The following DMRT1 variants were observed in gnomAD, a reference collection of about 807,000 sequenced individuals.
The protein encoded by DMRT1 is doublesex- and mab-3-related transcription factor 1.
In DMRT1, 7 loss-of-function variants were observed where a neutral mutation model predicts 32.3. That is an observed-to-expected ratio of 0.22 (90% CI 0.12 to 0.41). The LOEUF (loss-of-function observed/expected upper bound fraction) is 0.41, where lower values mean the gene tolerates loss of function less well. DMRT1 is among the 10% of genes least tolerant of loss of function. The pLI, the probability that DMRT1 is intolerant of heterozygous loss-of-function variation, is 1.00. For synonymous variants in DMRT1, 278 were observed against 206.1 expected (o/e 1.35, Z -2.99); for missense variants, 625 against 500.5 (o/e 1.25, Z -2.37).
At chr9:890,899 A>AT (rs374362586) in intron 2 of DMRT1, among the ~76,000 whole-genome samples, 5,715 of 146,086 alleles carry the variant, frequency 0.039, 151 homozygotes, top group African/African-American at 0.079. Context: ...TTTTTTTTGT[A>AT]TTTTTTTTTT....
chr9:873,611 G>GC (rs1816370603), intron 2 of DMRT1, among the ~76,000 whole-genome samples: 1 of 152,056 alleles, frequency 6.6e-6, no homozygotes. Flanking sequence ...GATCCACCGC[G>GC]CCCAGCCTCT....
At chr9:962,779 T>A (rs1819817023) in intron 4 of DMRT1, among the ~76,000 whole-genome samples, 1 of 152,174 alleles carries the variant, frequency 6.6e-6, no homozygotes, top group African/African-American at 2.4e-5. Flanking sequence ...TGCTTCTCGG[T>A]TGAACTCTGT....
At chr9:874,678 G>T (rs904435869) in intron 2 of DMRT1, among the ~76,000 whole-genome samples, 2 of 151,908 alleles carry the variant, frequency 1.3e-5, no homozygotes, top group Non-Finnish European at 2.9e-5. Flanking sequence ...TGAAATTTAG[G>T]TATGCATCCT....
At chr9:924,331 C>T (rs1214555943) in intron 4 of DMRT1, among the ~76,000 whole-genome samples, 4 of 152,314 alleles carry the variant, frequency 2.6e-5, no homozygotes, top group South Asian at 4.1e-4. Context: ...CTTGGCCTCC[C>T]ACAGTGCTGG....
In DMRT1 at chr9:917,014, A is replaced by G. The variant is rs1586614609; in HGVS notation, c.967+107A>G. On this transcript the variant is annotated intron_variant, in intron 4 of 4. Transcript: ENST00000382276. ...GCTTAGCTGTTAGTAATTGTTGGAA[A>G]TTTTATTGCTGTGTGAAGCTTGGAT... 7.1e-6 allele frequency: 9 copies of G among 1,266,124 alleles called. No homozygotes were observed. The East Asian group carries it at 1.4e-4, about 20-fold the overall frequency. The allele number at this position is 1,266,124 out of a possible 1,614,324, so 78.4% of individuals were successfully genotyped here. A position where few individuals can be genotyped will look rare whatever the true frequency, so the allele number is the denominator to read the frequency against.
At chr9:899,958 G>A (rs1277709165) in intron 3 of DMRT1, among the ~76,000 whole-genome samples, 1 of 152,216 alleles carries the variant, frequency 6.6e-6, no homozygotes. Context: ...CTTTCTGGTG[G>A]TTATGTGGTC....
At chr9:911,276 C>G (rs193097008) in intron 3 of DMRT1, among the ~76,000 whole-genome samples, 1 of 152,170 alleles carries the variant, frequency 6.6e-6, no homozygotes, top group African/African-American at 2.4e-5. Flanking sequence ...GCCAGATGCC[C>G]TGTGGAGGAT....
In DMRT1 at chr9:904,073, T is replaced by C. The variant is rs774970990; in HGVS notation, c.822+9878T>C. On this transcript the variant is annotated intron_variant, in intron 3 of 4. Transcript: ENST00000382276. ...TTGAATCGGAGGCAGAAGCATATTA[T>C]TAGTCTTGCGAGGTTGTTACATTAC... Among the ~76,000 whole-genome samples, 27 of 152,226 alleles carry C rather than the reference T, an allele frequency of 1.8e-4. 1 individual carries two copies. Among genetic ancestry groups the C allele is most frequent in the Non-Finnish European group, 3.5e-4 (24 of 68,028 alleles).
chr9:960,752 C>G (rs1463074187), intron 4 of DMRT1, among the ~76,000 whole-genome samples: 1 of 152,188 alleles, frequency 6.6e-6, no homozygotes, highest in Non-Finnish European at 1.5e-5. Context: ...CCTCAGCCCT[C>G]CTGCCTAGCG....
intron 4 of DMRT1, among the ~76,000 whole-genome samples, chr9:923,897 A>T (rs547050877): frequency 1.1e-3 from 167 of 152,256 alleles, no homozygotes; most frequent in Middle Eastern, 6.8e-3. Context: ...TTTGTAGGTA[A>T]ATCTGTTTTC....
intron 2 of DMRT1, among the ~76,000 whole-genome samples, chr9:870,696 C>G (rs1816205565): frequency 2.7e-5 from 3 of 112,638 alleles, no homozygotes; most frequent in African/African-American, 1.1e-4. Context: ...TCCCATATTT[C>G]TCATTTTCTT....
In DMRT1 at chr9:861,470, TAC is replaced by T. The variant is rs550269821; in HGVS notation, c.538+14331_538+14332del. Among the ~76,000 whole-genome samples, 1,121 of 152,382 alleles carry T rather than the reference TAC, an allele frequency of 7.4e-3. 11 individuals are homozygous for T. Among genetic ancestry groups the T allele is most frequent in the African/African-American group, 0.026 (1,076 of 41,588 alleles). The stretch of plus-strand genomic sequence containing the variant: ...GGAGTCTCCTATGTCTGCTTCTTTC[TAC>T]ACAGACACAATAACAATCTGATCTT... On this transcript the variant is annotated intron_variant, in intron 2 of 4. Coordinates refer to ENST00000382276, the MANE Select transcript of DMRT1 (RefSeq NM_021951.3).
intron 4 of DMRT1, among the ~76,000 whole-genome samples, chr9:958,709 C>G (rs1035154661): frequency 3.3e-5 from 5 of 152,156 alleles, no homozygotes; most frequent in Non-Finnish European, 5.9e-5. Context: ...AACCATATAG[C>G]TAAAGATGCA....
intron 3 of DMRT1, among the ~76,000 whole-genome samples, chr9:902,709 G>T (rs775743373): frequency 6.7e-6 from 1 of 149,672 alleles, no homozygotes; most frequent in African/African-American, 2.5e-5. Context: ...GGTTGGTCTC[G>T]AACTCCTCAC....
intron 3 of DMRT1, among the ~76,000 whole-genome samples, chr9:905,854 G>T (rs1334380778): frequency 1.3e-5 from 2 of 152,174 alleles, no homozygotes; most frequent in Non-Finnish European, 2.9e-5. Context: ...TGCACGGCTG[G>T]AAACGGGGAA....
chr9:900,473 C>T (rs113490004), intron 3 of DMRT1, among the ~76,000 whole-genome samples: 5 of 152,036 alleles, frequency 3.3e-5, no homozygotes, highest in African/African-American at 1.2e-4. Flanking sequence ...AAAGTATCTG[C>T]TGTGTGGGGG....
chr9:913,162 G>C (rs1253684816), intron 3 of DMRT1, among the ~76,000 whole-genome samples: 1 of 152,172 alleles, frequency 6.6e-6, no homozygotes, highest in African/African-American at 2.4e-5. Context: ...GCATTTTGCA[G>C]AGCATTTAGG....
chr9:884,873 G>C (rs917723033), intron 2 of DMRT1, among the ~76,000 whole-genome samples: 1 of 152,178 alleles, frequency 6.6e-6, no homozygotes, highest in Non-Finnish European at 1.5e-5. Flanking sequence ...GGGAGGCTGA[G>C]GCAGGAGAAT....
In DMRT1 at chr9:866,344, C is replaced by T. The variant is rs1313669597; in HGVS notation, c.538+19201C>T. Among the ~76,000 whole-genome samples, 5 of 151,982 alleles carry T rather than the reference C, an allele frequency of 3.3e-5. No homozygotes were observed. In the South Asian group the frequency reaches 6.2e-4, roughly 19 times the overall value. ...AGCAGGAGGCATCAGCACTGGCCTG[C>T]GGGTGGGACAAGGGAATGTCATAAT... On this transcript the variant is annotated intron_variant, in intron 2 of 4. Coordinates refer to ENST00000382276, the MANE Select transcript of DMRT1 (RefSeq NM_021951.3).
Sources: allele counts gnomAD v4.1 joint callset (sites outside exome capture counted in the v4.1 genomes callset), GRCh38; gene constraint gnomAD v4.1.1; transcripts MANE v1.5; gene names NCBI Gene and HGNC (gene_info 2026-07-23, HGNC 2026-07-21).